The following GRIA1 variants were observed in gnomAD, a reference collection of about 807,000 sequenced individuals.
GRIA1 encodes glutamate ionotropic receptor AMPA type subunit 1.
GRIA1 carries 31 observed loss-of-function variants against 99.2 expected under a neutral mutation model. The observed-to-expected ratio is 0.31, with a 90% CI of 0.23 to 0.42. The LOEUF (loss-of-function observed/expected upper bound fraction) is 0.42, where lower values mean the gene tolerates loss of function less well. Among genes scored for constraint, GRIA1 ranks in the 10% least tolerant of loss-of-function variants. GRIA1 has a pLI of 1.00. For synonymous variants in GRIA1, 438 were observed against 432.4 expected, an observed-to-expected ratio of 1.01 and a Z score of -0.16; for missense variants, 782 against 1,157.5, an observed-to-expected ratio of 0.68 and a Z score of 4.71.
intron 7 of GRIA1, among the ~76,000 whole-genome samples, chr5:153,677,409 G>A (rs1414229226): frequency 6.6e-6 from 1 of 152,186 alleles, no homozygotes; most frequent in Admixed American, 6.5e-5. Flanking sequence ...GCTGAAAAAG[G>A]AGAGCTGGTG....
intron 2 of GRIA1, among the ~76,000 whole-genome samples, chr5:153,637,277 C>T (rs1185887011): frequency 1.3e-5 from 2 of 152,138 alleles, no homozygotes; most frequent in Non-Finnish European, 2.9e-5. Flanking sequence ...ATGCTCTGGA[C>T]ACCAGGTTTT....
At chr5:153,571,033 G>A (rs1762068556) in intron 2 of GRIA1, among the ~76,000 whole-genome samples, 2 of 152,082 alleles carry the variant, frequency 1.3e-5, no homozygotes, top group African/African-American at 4.8e-5. Flanking sequence ...CACACTACAT[G>A]GTTTACTCCA....
chr5:153,714,300 C>T (rs1299697009), intron 11 of GRIA1, among the ~76,000 whole-genome samples: 4 of 152,098 alleles, frequency 2.6e-5, no homozygotes, highest in Non-Finnish European at 5.9e-5. Flanking sequence ...AAACAGCCAC[C>T]GTATGTACTT....
At chr5:153,528,805 C>T (rs1179546689) in intron 2 of GRIA1, among the ~76,000 whole-genome samples, 1 of 152,188 alleles carries the variant, frequency 6.6e-6, no homozygotes, top group African/African-American at 2.4e-5. Flanking sequence ...TCTTCCTCCA[C>T]GTTCCTTCTG....
At chr5:153,548,979 GTC>G (rs76971672) in intron 2 of GRIA1, among the ~76,000 whole-genome samples, 55,432 of 151,926 alleles carry the variant, frequency 0.36, 12,693 homozygotes, top group Non-Finnish European at 0.52. Context: ...GTTCAACAGA[GTC>G]TTTATTGGAT....
At chr5:153,729,019 G>C (rs370494182) in intron 11 of GRIA1, among the ~76,000 whole-genome samples, 1 of 143,216 alleles carries the variant, frequency 7.0e-6, no homozygotes, top group Non-Finnish European at 1.5e-5. Context: ...ATTAAGAAAA[G>C]GTGGCACATA....
At chr5:153,764,760 G>A (rs1021745521) in intron 12 of GRIA1, 128 bp downstream of exon 12, 2 of 652,656 alleles carry the variant, frequency 3.1e-6, no homozygotes, top group Admixed American at 2.6e-5. Flanking sequence ...CTGTAAGTCA[G>A]GGAAACTCAG....
At chr5:153,595,482 G>A (rs1764349410) in intron 2 of GRIA1, among the ~76,000 whole-genome samples, 1 of 152,066 alleles carries the variant, frequency 6.6e-6, no homozygotes, top group South Asian at 2.1e-4. Flanking sequence ...CATTTAAGAA[G>A]TGATGAGTTA....
intron 5 of GRIA1, among the ~76,000 whole-genome samples, chr5:153,673,388 A>T (rs969358193): frequency 6.6e-6 from 1 of 152,222 alleles, no homozygotes; most frequent in African/African-American, 2.4e-5. Flanking sequence ...AGATTATACT[A>T]TACTATGCTG....
At chr5:153,798,740 C>A (rs903247253) in intron 14 of GRIA1, among the ~76,000 whole-genome samples, 29 of 152,176 alleles carry the variant, frequency 1.9e-4, no homozygotes, top group Admixed American at 4.6e-4. Context: ...CTAGGACTAG[C>A]TCAGACCTCC....
intron 2 of GRIA1, among the ~76,000 whole-genome samples, chr5:153,555,607 G>A (rs913390595): frequency 1.3e-5 from 2 of 152,144 alleles, no homozygotes; most frequent in African/African-American, 4.8e-5. Flanking sequence ...CCTCATGGAA[G>A]AAGGCAGCTG....
At chr5:153,797,416 C>T (rs1337913699) in intron 14 of GRIA1, among the ~76,000 whole-genome samples, 2 of 152,198 alleles carry the variant, frequency 1.3e-5, no homozygotes, top group Admixed American at 6.5e-5. Flanking sequence ...AGGGACTAGA[C>T]AAAAACAAAA....
At chr5:153,698,551 C>A (rs1561778928) in intron 9 of GRIA1, among the ~76,000 whole-genome samples, 1 of 151,928 alleles carries the variant, frequency 6.6e-6, no homozygotes, top group Non-Finnish European at 1.5e-5. Context: ...AAACCTGGAG[C>A]CTGTTTAGGG....
At chr5:153,631,481 A>G (rs1422888) in intron 2 of GRIA1, among the ~76,000 whole-genome samples, 35,418 of 152,246 alleles carry the variant, frequency 0.23, 4,537 homozygotes, top group Non-Finnish European at 0.3. Flanking sequence ...CTAGTGAAAT[A>G]TGAGTGCAAA....
intron 8 of GRIA1, among the ~76,000 whole-genome samples, chr5:153,697,001 A>G: frequency 6.6e-6 from 1 of 152,122 alleles, no homozygotes; most frequent in East Asian, 1.9e-4. Context: ...CCAGATACCT[A>G]CTGCCCTTTT....
intron 2 of GRIA1, among the ~76,000 whole-genome samples, chr5:153,500,591 TC>T: frequency 1.3e-5 from 2 of 148,830 alleles, no homozygotes; most frequent in Non-Finnish European, 3.0e-5. Context: ...TCTCTCTCTC[TC>T]TCTCTCCCCC....
chr5:153,529,912 C>G (rs1757940084), intron 2 of GRIA1, among the ~76,000 whole-genome samples: 1 of 152,198 alleles, frequency 6.6e-6, no homozygotes, highest in Non-Finnish European at 1.5e-5. Flanking sequence ...TGCTTCCCCT[C>G]TCTGAGCCTT....
chr5:153,659,636 G>C (rs1755211770), intron 5 of GRIA1, among the ~76,000 whole-genome samples: 1 of 152,216 alleles, frequency 6.6e-6, no homozygotes, highest in South Asian at 2.1e-4. Context: ...TGTTTCTGTA[G>C]AGCCAGTTTG....
At chr5:153,530,822 C>T (rs1295411434) in intron 2 of GRIA1, among the ~76,000 whole-genome samples, 1 of 152,204 alleles carries the variant, frequency 6.6e-6, no homozygotes, top group Non-Finnish European at 1.5e-5. Flanking sequence ...TTGATCTAAC[C>T]AGCCATACCT....
Sources: gnomAD v4.1 joint callset for allele counts (sites outside exome capture counted in the v4.1 genomes callset) on GRCh38, gnomAD v4.1.1 for gene constraint, MANE v1.5 for transcripts, NCBI Gene and HGNC (gene_info 2026-07-23, HGNC 2026-07-21) for gene names.